ZC3HC1: variants seen among roughly 807,000 people sequenced by gnomAD.
The protein encoded by ZC3HC1 is zinc finger C3HC-type containing 1.
Under a neutral mutation model 61.9 loss-of-function variants are expected in ZC3HC1, and 38 were observed. The ratio of observed to expected loss-of-function variants is 0.61; its 90% CI spans 0.47 to 0.81. The LOEUF (loss-of-function observed/expected upper bound fraction) is 0.81, where lower values mean the gene tolerates loss of function less well. Among genes scored for constraint, ZC3HC1 ranks in the 30% least tolerant of loss-of-function variants. The pLI is 0.00. For missense variants in ZC3HC1, 554 were observed against 622.7 expected, an observed-to-expected ratio of 0.89 and a Z score of 1.17; for synonymous variants, 213 against 229.9, an observed-to-expected ratio of 0.93 and a Z score of 0.67.
intron 4 of ZC3HC1, among the ~76,000 whole-genome samples, chr7:130,032,055 C>G (rs1355375561): frequency 6.6e-6 from 1 of 152,016 alleles, no homozygotes. Context: ...GAAACACTGT[C>G]TCTACTAAAA....
intron 2 of ZC3HC1, among the ~76,000 whole-genome samples, chr7:130,044,421 G>A (rs1308814492): frequency 1.3e-5 from 2 of 152,110 alleles, no homozygotes; most frequent in African/African-American, 4.8e-5. Flanking sequence ...AAGATAAGCC[G>A]AGAACAACTT....
chr7:130,047,832 G>T (rs1794926373), intron 2 of ZC3HC1, among the ~76,000 whole-genome samples: 1 of 152,160 alleles, frequency 6.6e-6, no homozygotes, highest in Non-Finnish European at 1.5e-5. Flanking sequence ...TCTTGAGTAT[G>T]GGCTGGCCTA....
At chr7:130,027,565 G>C (rs973983205) in intron 5 of ZC3HC1, among the ~76,000 whole-genome samples, 2 of 152,072 alleles carry the variant, frequency 1.3e-5, no homozygotes, top group Admixed American at 1.3e-4. Context: ...TGTTGCCCAG[G>C]CTGGAGTGCA....
At position 130,024,289 on chromosome 7, in the gene ZC3HC1, C is replaced by A; in HGVS notation, c.994G>T (p.Ala332Ser). 1 of 1,611,654 alleles carries A rather than the reference C, an allele frequency of 6.2e-7. No homozygotes were observed. Among genetic ancestry groups the A allele is most frequent in the South Asian group, 1.1e-5 (1 of 90,900 alleles). ...TGCTCTGAGCCTGGGGAGAAAGTGG[C>A]ATCCTGGCTCCGGGTCATCATCCTC... Reference protein sequence around the residue: ...PRRMMTRSQDATFSPGSEQAE... With the variant: ...PRRMMTRSQDSTFSPGSEQAE... The change falls in exon 7 of 10, where the codon GCC becomes TCC. Residue 332 changes from alanine to serine, a missense_variant. Coordinates refer to ENST00000358303, the MANE Select transcript of ZC3HC1 (RefSeq NM_016478.5).
intron 3 of ZC3HC1, among the ~76,000 whole-genome samples, chr7:130,040,625 G>A (rs1794616431): frequency 6.7e-6 from 1 of 149,468 alleles, no homozygotes; most frequent in South Asian, 2.1e-4. Context: ...GAGCAACCTG[G>A]TAAAACCCCA....
chr7:130,038,549 G>A (rs1794513212), intron 4 of ZC3HC1, among the ~76,000 whole-genome samples: 1 of 152,086 alleles, frequency 6.6e-6, no homozygotes, highest in Non-Finnish European at 1.5e-5. Flanking sequence ...CTGATTCTTA[G>A]TTTCCTCACC....
rs185968341 is a variant in ZC3HC1 at position 130,022,175 on chromosome 7, A to G, written c.1440+144T>C. The G allele has an allele frequency of 2.2e-4, 240 of 1,082,054 alleles. 1 individual carries two copies. In the East Asian group the frequency reaches 5.5e-3, roughly 25 times the overall value. The allele number at this position is 1,082,054 out of a possible 1,614,324, so 67.0% of individuals were successfully genotyped here. On this transcript the variant is annotated intron_variant, in intron 9 of 9. Transcript: ENST00000358303. The stretch of plus-strand genomic sequence containing the variant: ...AACAAGAACGAGACTCCATCTCAAA[A>G]AACAAACAAACAAACAAAAAAACCC...
intron 2 of ZC3HC1, among the ~76,000 whole-genome samples, chr7:130,046,225 T>C (rs566505802): frequency 3.9e-5 from 6 of 152,122 alleles, no homozygotes; most frequent in Non-Finnish European, 8.8e-5. Flanking sequence ...AATGGATTGA[T>C]CTGTGCAGTA....
At chr7:130,029,258 C>T (rs551240819) in intron 4 of ZC3HC1, among the ~76,000 whole-genome samples, 9 of 152,154 alleles carry the variant, frequency 5.9e-5, no homozygotes, top group African/African-American at 2.2e-4. Context: ...CCTGTAATCC[C>T]AGCTACTCGG....
At chr7:130,039,344 CA>C (rs370997337) in intron 4 of ZC3HC1, 119 bp downstream of exon 4, 56,944 of 611,532 alleles carry the variant, frequency 0.093, no homozygotes, top group South Asian at 0.15. Context: ...AACTCCATCT[CA>C]AAAAAAAAAA....
In ZC3HC1 at chr7:130,027,268, A is replaced by G. The variant is rs1481666579; in HGVS notation, c.622-956T>C. Reference sequence around the variant, plus strand: ...TTATATTCATAAGCATCAGAGGTTAATAGTTTCAGTCTATGGCCATACCAC... The same window carrying G: ...TTATATTCATAAGCATCAGAGGTTAGTAGTTTCAGTCTATGGCCATACCAC... On this transcript the variant is annotated intron_variant, in intron 5 of 9. Coordinates refer to ENST00000358303, the MANE Select transcript of ZC3HC1 (RefSeq NM_016478.5). 3 of 152,270 alleles carry G rather than the reference A, an allele frequency of 2.0e-5. No individual in the cohort carries two copies. In the East Asian group the frequency reaches 5.8e-4, roughly 29 times the overall value. 9.4% of individuals were successfully genotyped at this position (152,270 alleles called of 1,614,324 possible).
intron 2 of ZC3HC1, among the ~76,000 whole-genome samples, chr7:130,042,936 C>T (rs1311833651): frequency 1.3e-5 from 2 of 152,166 alleles, no homozygotes; most frequent in African/African-American, 2.4e-5. Flanking sequence ...AGGCCCTCCT[C>T]GGCCTTCCAT....
At position 130,022,542 on chromosome 7, in the gene ZC3HC1, A is replaced by G; in HGVS notation, c.1234-17T>C. ...AGATGTGTCCTGAGGAAGGAGAAAAAGAAATAGCATTCATAGGTAGATGCT... is the reference window on the plus strand; with the variant it reads ...AGATGTGTCCTGAGGAAGGAGAAAAGGAAATAGCATTCATAGGTAGATGCT... On this transcript the variant is annotated splice_polypyrimidine_tract_variant and intron_variant, in intron 8 of 9. Transcript: ENST00000358303. 6.2e-7 allele frequency: 1 copy of G among 1,613,682 alleles called. No individual in the cohort carries two copies.
chr7:130,044,095 A>C (rs1269187722), intron 2 of ZC3HC1, among the ~76,000 whole-genome samples: 1 of 152,052 alleles, frequency 6.6e-6, no homozygotes, highest in African/African-American at 2.4e-5. Context: ...TGTGTACATA[A>C]ACATATATAT....
In ZC3HC1 at chr7:130,023,211, G is replaced by T; in HGVS notation, c.1233+300C>A. The T allele has an allele frequency of 2.7e-6, 1 of 373,758 alleles. No homozygotes were observed. Among genetic ancestry groups the T allele is most frequent in the Non-Finnish European group, 4.9e-6 (1 of 206,008 alleles). The allele number at this position is 373,758 out of a possible 1,614,324, so 23.2% of individuals were successfully genotyped here. ...TGGAAAAATGGTCTTCCATGAAAAC[G>T]GTCCCTGGTGCCAAAAAGGTTGGGG... On this transcript the variant is annotated intron_variant, in intron 8 of 9. Coordinates refer to ENST00000358303, the MANE Select transcript of ZC3HC1 (RefSeq NM_016478.5). This position sits in a 1 kb window ranked among gnomAD's most constrained non-coding sequence, Gnocchi z 4.2.
chr7:130,038,247 G>A (rs185796334), intron 4 of ZC3HC1, among the ~76,000 whole-genome samples: 5 of 152,296 alleles, frequency 3.3e-5, no homozygotes, highest in African/African-American at 1.2e-4. Context: ...GTTGGACCTG[G>A]CCTTCCCAGA....
chr7:130,029,979 A>C (rs189894631), intron 4 of ZC3HC1, among the ~76,000 whole-genome samples: 1 of 152,316 alleles, frequency 6.6e-6, no homozygotes, highest in Admixed American at 6.5e-5. Flanking sequence ...GTAATACCTA[A>C]GTTGGAAAAG....
intron 1 of ZC3HC1, among the ~76,000 whole-genome samples, chr7:130,049,599 C>A (rs1000484053): frequency 1.3e-5 from 2 of 151,340 alleles, no homozygotes; most frequent in Non-Finnish European, 2.9e-5. Context: ...GGCTGGAGTG[C>A]AACGGTGCGA....
At chr7:130,033,238 T>C (rs1354422132) in intron 4 of ZC3HC1, among the ~76,000 whole-genome samples, 1 of 152,162 alleles carries the variant, frequency 6.6e-6, no homozygotes, top group Non-Finnish European at 1.5e-5. Flanking sequence ...TTTACTATAT[T>C]GTCCAGGCTG....
Sources: gnomAD v4.1 joint callset for allele counts (sites outside exome capture counted in the v4.1 genomes callset) on GRCh38, gnomAD v4.1.1 for gene constraint, Gnocchi (gnomAD v3.1) non-coding constraint, MANE v1.5 for transcripts, NCBI Gene and HGNC (gene_info 2026-07-23, HGNC 2026-07-21) for gene names.